The following NTSR1 variants were observed in gnomAD, a reference collection of about 807,000 sequenced individuals.
NTSR1 encodes neurotensin receptor type 1.
Under a neutral mutation model 31.2 loss-of-function variants are expected in NTSR1, and 29 were observed. The observed-to-expected ratio is 0.93, with a 90% CI of 0.69 to 1.27. NTSR1 has a LOEUF of 1.27. Ranked by LOEUF, NTSR1 falls within the 50% of genes most tolerant of loss-of-function variation. The pLI is 0.00. For missense variants in NTSR1, 697 were observed against 595.4 expected (o/e 1.17, Z -1.78); for synonymous variants, 282 against 269.9 (o/e 1.04, Z -0.44).
chr20:62,718,006 G>A (rs756089816), intron 1 of NTSR1, among the ~76,000 whole-genome samples: 6 of 152,156 alleles, frequency 3.9e-5, no homozygotes, highest in Non-Finnish European at 8.8e-5. Context: ...GGTGGGCGTC[G>A]GGGAAGATGC....
intron 2 of NTSR1, 55 bp downstream of exon 2, chr20:62,754,941 C>T: frequency 6.8e-7 from 1 of 1,479,224 alleles, no homozygotes; most frequent in Non-Finnish European, 9.1e-7. Context: ...CTAGCAAAGG[C>T]AGCGAGCGCT....
intron 1 of NTSR1, among the ~76,000 whole-genome samples, chr20:62,746,939 C>G (rs1419106196): frequency 6.6e-6 from 1 of 152,208 alleles, no homozygotes; most frequent in African/African-American, 2.4e-5. Context: ...TACCCTGATA[C>G]CAAAGCCAGA....
intron 3 of NTSR1, among the ~76,000 whole-genome samples, chr20:62,759,724 G>A (rs1240314563): frequency 1.5e-4 from 23 of 148,744 alleles, no homozygotes; most frequent in African/African-American, 3.7e-4. Context: ...GCAGTGAGCC[G>A]AGATCGCGCC....
rs545894433 is a variant in NTSR1 at position 62,711,899 on chromosome 20, G to A, written c.714+1978G>A. 5.9e-5 allele frequency among the ~76,000 whole-genome samples: 9 copies of A among 152,374 alleles called. 2 individuals are homozygous for A. The South Asian group carries it at 1.9e-3, about 32-fold the overall frequency. ...CACAGGCACTCGTCCAATCGCAGAG[G>A]CCTGTGACGTATCAACCGTAGGACA... On this transcript the variant is annotated intron_variant, in intron 1 of 3. Coordinates refer to ENST00000370501, the MANE Select transcript of NTSR1 (RefSeq NM_002531.3). The surrounding 1 kb of genome is among the most constrained non-coding windows in gnomAD (Gnocchi z 6.4).
rs778351934 is a variant in NTSR1, at chr20:62,709,908, A to C, written c.701A>C (p.Lys234Thr). The change falls in exon 1 of 4, where the codon AAG becomes ACG. Residue 234 changes from lysine to threonine, a missense_variant. By Grantham distance (78) the Lys-to-Thr change is moderately conservative. Coordinates refer to ENST00000370501, the MANE Select transcript of NTSR1 (RefSeq NM_002531.3). ...CCCACCATCCACACTGCCACCGTCA[A>C]GGTCGTCATACAGGTGAGCCTCAGT... is the stretch of plus-strand genomic sequence containing the variant. ...CTPTIHTATV[K>T]VVIQVNTFMS... 140 of 1,593,952 alleles carry C rather than the reference A, an allele frequency of 8.8e-5. No individual in the cohort carries two copies. Among genetic ancestry groups the C allele is most frequent in the Admixed American group, 4.4e-4 (26 of 58,584 alleles).
At position 62,714,578 on chromosome 20, in the gene NTSR1, G is replaced by C. The variant is rs1420180609; in HGVS notation, c.714+4657G>C. Among the ~76,000 whole-genome samples the C allele has an allele frequency of 6.6e-6, 1 of 152,116 alleles. No individual in the cohort carries two copies. Among genetic ancestry groups the C allele is most frequent in the Non-Finnish European group, 1.5e-5 (1 of 68,022 alleles). On this transcript the variant is annotated intron_variant, in intron 1 of 3. Coordinates refer to ENST00000370501, the MANE Select transcript of NTSR1 (RefSeq NM_002531.3). This position sits in a 1 kb window ranked among gnomAD's most constrained non-coding sequence, Gnocchi z 4.1. Reference sequence around the variant, plus strand: ...TGAGCCCTGGTGTGCACACAGCCTCGTGGCATCCTTGGAGCAAAGCCATTG... The same window carrying C: ...TGAGCCCTGGTGTGCACACAGCCTCCTGGCATCCTTGGAGCAAAGCCATTG...
At chr20:62,731,610 G>A (rs1015159199) in intron 1 of NTSR1, among the ~76,000 whole-genome samples, 16 of 152,242 alleles carry the variant, frequency 1.1e-4, no homozygotes, top group African/African-American at 3.9e-4. Flanking sequence ...TAAGGTCTGT[G>A]AGGCCTTTTG....
chr20:62,742,969 C>CT lies in NTSR1; in HGVS notation c.715-11715dup, dbSNP rs1989230875. ...ACAGCACAGGCAAGTGGAACGTTCT[C>CT]TGAGTTTAGCTTTGTTTGTGTAGGT... On this transcript the variant is annotated intron_variant, in intron 1 of 3. Coordinates refer to ENST00000370501, the MANE Select transcript of NTSR1 (RefSeq NM_002531.3). The surrounding 1 kb of genome is among the most constrained non-coding windows in gnomAD (Gnocchi z 7.1). Among the ~76,000 whole-genome samples the CT allele has an allele frequency of 6.7e-6, 1 of 149,550 alleles. No homozygotes were observed. Among genetic ancestry groups the CT allele is most frequent in the African/African-American group, 2.5e-5 (1 of 40,030 alleles).
intron 1 of NTSR1, among the ~76,000 whole-genome samples, chr20:62,749,012 T>G (rs1489389279): frequency 6.6e-6 from 1 of 152,162 alleles, no homozygotes; most frequent in Non-Finnish European, 1.5e-5. Context: ...TGACTTTTCT[T>G]TGTAAATTAC....
intron 1 of NTSR1, among the ~76,000 whole-genome samples, chr20:62,754,285 G>T (rs1176000584): frequency 6.6e-6 from 1 of 152,200 alleles, no homozygotes; most frequent in Non-Finnish European, 1.5e-5. Context: ...TTGGGGTGGG[G>T]CAGCCACGTG....
Position 62,709,813 on chromosome 20 carries a change from T to C in NTSR1, c.606T>C (p.Pro202=), listed in dbSNP as rs1988568325. ...TCGCCTCGGCCCTGCTGGCGGTGCC[T>C]ATGCTGTTCACCATGGGCGAGCAGA... ...IWLASALLAV[P]MLFTMGEQNR... is the part of the protein sequence containing the mutation. Residue 202 remains proline (P), a synonymous_variant, in exon 1 of 4, where the codon CCT becomes CCC. Coordinates refer to ENST00000370501, the MANE Select transcript of NTSR1 (RefSeq NM_002531.3). 1 of 1,612,542 alleles carries C rather than the reference T, an allele frequency of 6.2e-7. No individual in the cohort carries two copies. The highest frequency in any genetic ancestry group is 8.5e-7 in the Non-Finnish European group (1 of 1,179,864).
intron 1 of NTSR1, among the ~76,000 whole-genome samples, chr20:62,753,187 T>C (rs1370840502): frequency 1.3e-5 from 2 of 152,174 alleles, no homozygotes; most frequent in Non-Finnish European, 2.9e-5. Context: ...AGCCGGGAGC[T>C]TCGATGGGAG....
intron 1 of NTSR1, among the ~76,000 whole-genome samples, chr20:62,747,674 C>T (rs1989324458): frequency 6.6e-6 from 1 of 152,152 alleles, no homozygotes; most frequent in Non-Finnish European, 1.5e-5. Flanking sequence ...CAGTAAAAGG[C>T]ATTCACATCA....
chr20:62,727,836 C>T (rs777283239), intron 1 of NTSR1, among the ~76,000 whole-genome samples: 43 of 152,366 alleles, frequency 2.8e-4, no homozygotes, highest in Non-Finnish European at 4.6e-4. Context: ...CAAGGGCAGG[C>T]GGGTATGGGT....
Position 62,743,984 on chromosome 20 carries a change from C to T in NTSR1, c.715-10701C>T, listed in dbSNP as rs575108386. ...GCTCAGACCAACCACCCAGAGGCTG[C>T]GCCCCGGTCCAGATCCCCCTAACAC... On this transcript the variant is annotated intron_variant, in intron 1 of 3. Coordinates refer to ENST00000370501, the MANE Select transcript of NTSR1 (RefSeq NM_002531.3). This position sits in a 1 kb window ranked among gnomAD's most constrained non-coding sequence, Gnocchi z 7.5. Among the ~76,000 whole-genome samples the T allele has an allele frequency of 1.3e-5, 2 of 152,244 alleles. No homozygotes were observed. The highest frequency in any genetic ancestry group is 4.2e-4 in the South Asian group (2 of 4,816).
At chr20:62,718,611 C>G (rs555863992) in intron 1 of NTSR1, among the ~76,000 whole-genome samples, 3 of 145,658 alleles carry the variant, frequency 2.1e-5, no homozygotes, top group African/African-American at 5.0e-5. Context: ...TCTGGGACGT[C>G]GAGTGAATGG....
rs1275264495 is a variant in NTSR1, at chr20:62,714,403, T to A, written c.714+4482T>A. 2.0e-5 allele frequency among the ~76,000 whole-genome samples: 3 copies of A among 152,220 alleles called. No individual in the cohort carries two copies. Among genetic ancestry groups the A allele is most frequent in the Non-Finnish European group, 4.4e-5 (3 of 68,042 alleles). ...ACCCAAGAGTAGATAAAAGGCAGTG[T>A]CTCAGCCCAGAAATGTTCATCAATA... is the stretch of plus-strand genomic sequence containing the variant. On this transcript the variant is annotated intron_variant, in intron 1 of 3. Coordinates refer to ENST00000370501, the MANE Select transcript of NTSR1 (RefSeq NM_002531.3). This position sits in a 1 kb window ranked among gnomAD's most constrained non-coding sequence, Gnocchi z 4.1.
intron 2 of NTSR1, among the ~76,000 whole-genome samples, chr20:62,755,597 A>C (rs1203599633): frequency 6.6e-3 from 3 of 452 alleles, no homozygotes; most frequent in Non-Finnish European, 4.3e-3. Context: ...TCCCTCCATC[A>C]TCCCTCCCTC....
Position 62,736,593 on chromosome 20 carries a change from G to A in NTSR1, c.715-18092G>A, listed in dbSNP as rs1470411833. On this transcript the variant is annotated intron_variant, in intron 1 of 3. Coordinates refer to ENST00000370501, the MANE Select transcript of NTSR1 (RefSeq NM_002531.3). ...CCTCCAGCAGAGCCCCTTTCCCAGC[G>A]AGGACTCCGAGGACTCCGAGGCCCT... is the stretch of plus-strand genomic sequence containing the variant. 6.6e-5 allele frequency among the ~76,000 whole-genome samples: 10 copies of A among 152,260 alleles called. No individual in the cohort carries two copies. The South Asian group carries it at 1.9e-3, about 28-fold the overall frequency.
Sources: gnomAD v4.1 joint callset for allele counts (sites outside exome capture counted in the v4.1 genomes callset) on GRCh38, gnomAD v4.1.1 for gene constraint, Gnocchi (gnomAD v3.1) non-coding constraint, MANE v1.5 for transcripts, NCBI Gene and HGNC (gene_info 2026-07-23, HGNC 2026-07-21) for gene names.